Variants in ATP8B4 observed in about 807,000 individuals in gnomAD.
The protein encoded by ATP8B4 is ATPase phospholipid transporting 8B4 (putative), also known as probable phospholipid-transporting ATPase IM.
Under a neutral mutation model 145.6 loss-of-function variants are expected in ATP8B4, and 133 were observed. That is an observed-to-expected ratio of 0.91 (90% CI 0.79 to 1.05). The LOEUF is 1.05. Among genes scored for constraint, ATP8B4 ranks in the 50% least tolerant of loss-of-function variants. The probability of loss-of-function intolerance (pLI) is 0.00; values close to 1 mark genes in which losing one functional copy is unlikely to be tolerated. For synonymous variants in ATP8B4, 507 were observed against 492.9 expected, an observed-to-expected ratio of 1.03 and a Z score of -0.38; for missense variants, 1,458 against 1,425.2, an observed-to-expected ratio of 1.02 and a Z score of -0.37.
At chr15:49,997,285 C>T (rs2047508666) in intron 8 of ATP8B4, among the ~76,000 whole-genome samples, 1 of 152,094 alleles carries the variant, frequency 6.6e-6, no homozygotes, top group Non-Finnish European at 1.5e-5. Flanking sequence ...TAGACAAGCT[C>T]AGCAAGTCAC....
chr15:49,996,629 C>A (rs1389676349), intron 9 of ATP8B4, 48 bp downstream of exon 9: 1 of 1,423,728 alleles, frequency 7.0e-7, no homozygotes, highest in Admixed American at 1.8e-5. Flanking sequence ...TGTTGCATTG[C>A]TTTTTGGGTT....
chr15:50,001,459 T>G (rs1599732784), intron 8 of ATP8B4, among the ~76,000 whole-genome samples: 2 of 152,192 alleles, frequency 1.3e-5, no homozygotes, highest in Admixed American at 6.5e-5. Flanking sequence ...GTTCGAGTCC[T>G]GGCTTCACTC....
chr15:49,991,852 T>A (rs1169916808), intron 9 of ATP8B4, among the ~76,000 whole-genome samples: 2 of 152,182 alleles, frequency 1.3e-5, no homozygotes, highest in Admixed American at 1.3e-4. Flanking sequence ...CTGGATGGAC[T>A]TGATCTCTGG....
intron 3 of ATP8B4, among the ~76,000 whole-genome samples, chr15:50,071,284 A>T (rs1013346616): frequency 2.0e-5 from 3 of 152,248 alleles, no homozygotes; most frequent in Non-Finnish European, 2.9e-5. Flanking sequence ...CATCTATTCA[A>T]TATGGGTGGT....
chr15:50,159,293 A>T (rs12913072), intron 1 of ATP8B4, among the ~76,000 whole-genome samples: 83,661 of 151,876 alleles, frequency 0.55, 23,943 homozygotes, highest in East Asian at 0.93. Flanking sequence ...TTTCTTTTTC[A>T]GGTTGTTCAC....
intron 15 of ATP8B4, 74 bp from the exon 16 acceptor site, chr15:49,931,381 A>C: frequency 7.1e-7 from 1 of 1,406,336 alleles, no homozygotes; most frequent in South Asian, 1.3e-5. Flanking sequence ...GCCAACTCCA[A>C]CTCAGTATTT....
chr15:49,899,117 CCACTTTTAAGTCTA>C (rs1371533894), intron 21 of ATP8B4, among the ~76,000 whole-genome samples: 1 of 152,178 alleles, frequency 6.6e-6, no homozygotes, highest in Non-Finnish European at 1.5e-5. Context: ...TCTTCTATCA[CCACTTTTAAGTCTA>C]CACTTTTTTT....
Position 49,922,036 on chromosome 15 carries a change from C to T in ATP8B4, c.1758+1343G>A, listed in dbSNP as rs372392240. 4.6e-5 allele frequency among the ~76,000 whole-genome samples: 7 copies of T among 152,220 alleles called. No individual in the cohort carries two copies. The East Asian group carries it at 5.8e-4, about 13-fold the overall frequency. On this transcript the variant is annotated intron_variant, in intron 17 of 27. Coordinates refer to ENST00000284509, the MANE Select transcript of ATP8B4 (RefSeq NM_024837.4). ...AATAAGATGACATTACAAAAGGAAA[C>T]GGATGATTTAAATTATTTAATTAGT...
At position 49,960,223 on chromosome 15, in the gene ATP8B4, C is replaced by T. The variant is rs1405823356; in HGVS notation, c.1287+1754G>A. 3.3e-5 allele frequency among the ~76,000 whole-genome samples: 5 copies of T among 152,114 alleles called. 1 individual carries two copies. ...TATGTTTTTAGTACAGACGGGGTTT[C>T]ACCATGTTGGCCAGGCTGGCCTTGA... On this transcript the variant is annotated intron_variant, in intron 14 of 27. Transcript: ENST00000284509.
At chr15:49,913,415 C>G (rs945927669) in intron 20 of ATP8B4, among the ~76,000 whole-genome samples, 1 of 152,104 alleles carries the variant, frequency 6.6e-6, no homozygotes, top group Admixed American at 6.5e-5. Flanking sequence ...CAGCTAACAT[C>G]ATACTGAATG....
intron 2 of ATP8B4, among the ~76,000 whole-genome samples, chr15:50,089,881 T>A (rs1163117868): frequency 6.6e-6 from 1 of 152,120 alleles, no homozygotes; most frequent in African/African-American, 2.4e-5. Context: ...CGAAGGAATA[T>A]AAATCATTCT....
chr15:49,897,098 C>A, intron 23 of ATP8B4, 194 bp downstream of exon 23: 1 of 533,734 alleles, frequency 1.9e-6, no homozygotes. Context: ...AAATAAAATT[C>A]CAGCTAGATA....
At chr15:49,882,824 A>C (rs2035628249) in intron 23 of ATP8B4, among the ~76,000 whole-genome samples, 1 of 152,190 alleles carries the variant, frequency 6.6e-6, no homozygotes, top group African/African-American at 2.4e-5. Context: ...GTGTTTGGAA[A>C]TGTTATATTT....
rs2047463217 is a variant in ATP8B4 at position 49,996,769 on chromosome 15, T to G, written c.507-10A>C. ...TTTTAGGTTCGTTTCCCTGTGAAAT[T>G]ATTGACATGACATGAATTTTTATAT... On this transcript the variant is annotated splice_polypyrimidine_tract_variant and intron_variant, in intron 8 of 27. Coordinates refer to ENST00000284509, the MANE Select transcript of ATP8B4 (RefSeq NM_024837.4). The G allele has an allele frequency of 1.2e-6, 2 of 1,602,206 alleles. No homozygotes were observed. Among genetic ancestry groups the G allele is most frequent in the Non-Finnish European group, 1.7e-6 (2 of 1,170,788 alleles).
At chr15:50,042,111 T>A (rs984589719) in intron 5 of ATP8B4, among the ~76,000 whole-genome samples, 3 of 149,654 alleles carry the variant, frequency 2.0e-5, no homozygotes, top group Admixed American at 2.0e-4. Context: ...GCCGAGATCA[T>A]GCCACTGCAC....
At chr15:50,149,121 A>G (rs748036814) in intron 1 of ATP8B4, among the ~76,000 whole-genome samples, 1 of 152,198 alleles carries the variant, frequency 6.6e-6, no homozygotes, top group African/African-American at 2.4e-5. Context: ...GTTAAATGTG[A>G]ATGTGGTGGT....
rs545241605 is a variant in ATP8B4 at position 49,946,790 on chromosome 15, C to T, written c.1288-12608G>A. On this transcript the variant is annotated intron_variant, in intron 14 of 27. Coordinates refer to ENST00000284509, the MANE Select transcript of ATP8B4 (RefSeq NM_024837.4). ...CTTCCATCTGAAGAAGCAGGGGCTG[C>T]CCCAGACTGGGTTGTTCCTGGAACA... Among the ~76,000 whole-genome samples, 24 of 152,296 alleles carry T rather than the reference C, an allele frequency of 1.6e-4. No individual in the cohort carries two copies. In the South Asian group the frequency reaches 4.4e-3, roughly 28 times the overall value.
intron 3 of ATP8B4, among the ~76,000 whole-genome samples, chr15:50,048,345 TAAG>T (rs1321405826): frequency 1.3e-5 from 2 of 152,076 alleles, no homozygotes; most frequent in Admixed American, 6.6e-5. Context: ...GAATGCCTCT[TAAG>T]ACACCCCAAT....
chr15:49,995,182 T>C (rs1168405028), intron 9 of ATP8B4, among the ~76,000 whole-genome samples: 1 of 152,194 alleles, frequency 6.6e-6, no homozygotes, highest in Non-Finnish European at 1.5e-5. Flanking sequence ...TGCTTTTTGA[T>C]GATTAGCAAC....
Sources: allele counts gnomAD v4.1 joint callset (sites outside exome capture counted in the v4.1 genomes callset), GRCh38; gene constraint gnomAD v4.1.1; transcripts MANE v1.5; gene names NCBI Gene and HGNC (gene_info 2026-07-23, HGNC 2026-07-21).